Variants in CTNNA2 observed in about 807,000 individuals in gnomAD.
The protein encoded by CTNNA2 is catenin alpha-2.
A neutral mutation model predicts 101.0 loss-of-function variants in CTNNA2; 42 were observed. The observed-to-expected ratio is 0.42, with a 90% CI of 0.32 to 0.54. The LOEUF is 0.54. CTNNA2 is among the 20% of genes least tolerant of loss of function. CTNNA2 has a pLI of 0.14. For missense variants in CTNNA2, 871 were observed against 1,223.1 expected, an observed-to-expected ratio of 0.71 and a Z score of 4.29; for synonymous variants, 450 against 456.4, an observed-to-expected ratio of 0.99 and a Z score of 0.18.
At chr2:79,371,811 T>C (rs1677877936) in intron 3 of CTNNA2, among the ~76,000 whole-genome samples, 1 of 152,156 alleles carries the variant, frequency 6.6e-6, no homozygotes, top group Admixed American at 6.5e-5. Flanking sequence ...CCTTTAGTTT[T>C]CAATGAAACC....
intron 7 of CTNNA2, among the ~76,000 whole-genome samples, chr2:80,246,454 A>T (rs1671336564): frequency 6.6e-6 from 1 of 152,248 alleles, no homozygotes; most frequent in African/African-American, 2.4e-5. Context: ...TTTAATGAAA[A>T]CTGAACAAAT....
intron 7 of CTNNA2, among the ~76,000 whole-genome samples, chr2:80,025,592 A>G (rs1694879758): frequency 6.6e-6 from 1 of 152,178 alleles, no homozygotes; most frequent in South Asian, 2.1e-4. Flanking sequence ...CTCAGGGAAC[A>G]TGACAGGAAC....
intron 4 of CTNNA2, among the ~76,000 whole-genome samples, chr2:79,420,449 A>G (rs1337847767): frequency 2.0e-5 from 3 of 152,168 alleles, no homozygotes; most frequent in Non-Finnish European, 4.4e-5. Flanking sequence ...CACACTAGAA[A>G]TGGACTAAAG....
chr2:79,864,703 A>G (rs915892104), intron 4 of CTNNA2, among the ~76,000 whole-genome samples: 4 of 152,184 alleles, frequency 2.6e-5, no homozygotes, highest in Admixed American at 6.5e-5. Context: ...TTGGAGACCA[A>G]TCATATGGGG....
chr2:80,615,581 G>T (rs1033541516), intron 17 of CTNNA2, among the ~76,000 whole-genome samples: 10 of 151,440 alleles, frequency 6.6e-5, no homozygotes, highest in African/African-American at 1.9e-4. Flanking sequence ...ACTGAAATAG[G>T]GTTTTCAGCT....
chr2:79,789,119 G>T (rs946329750), intron 3 of CTNNA2, among the ~76,000 whole-genome samples: 3 of 152,194 alleles, frequency 2.0e-5, no homozygotes, highest in Non-Finnish European at 2.9e-5. Flanking sequence ...TGGACATTGC[G>T]TGTAAAGTAC....
chr2:79,933,299 C>T (rs570908233), intron 7 of CTNNA2, among the ~76,000 whole-genome samples: 17 of 152,158 alleles, frequency 1.1e-4, no homozygotes, highest in African/African-American at 3.1e-4. Flanking sequence ...CACCATGTTA[C>T]GGGCTATCAT....
At chr2:80,313,587 A>G in intron 7 of CTNNA2, 1 of 1,611,590 alleles carries the variant, frequency 6.2e-7, no homozygotes, top group Non-Finnish European at 8.5e-7. Context: ...AGGCCACTCC[A>G]GTCAGTAGGC....
At chr2:80,196,087 G>A (rs937739378) in intron 7 of CTNNA2, among the ~76,000 whole-genome samples, 17 of 152,106 alleles carry the variant, frequency 1.1e-4, no homozygotes, top group African/African-American at 3.9e-4. Flanking sequence ...GTCTTTGAAT[G>A]TGTCATTTTA....
chr2:79,956,237 T>A (rs1280016141), intron 7 of CTNNA2, among the ~76,000 whole-genome samples: 1 of 152,130 alleles, frequency 6.6e-6, no homozygotes, highest in East Asian at 1.9e-4. Context: ...AAATTTTGCT[T>A]AAAATTTTAC....
intron 7 of CTNNA2, among the ~76,000 whole-genome samples, chr2:80,341,681 C>T (rs1208565631): frequency 1.3e-5 from 2 of 152,180 alleles, no homozygotes; most frequent in South Asian, 2.1e-4. Flanking sequence ...TAGAATGGTA[C>T]AGCTACTTTG....
At chr2:79,691,750 C>A (rs748581031) in intron 2 of CTNNA2, among the ~76,000 whole-genome samples, 13 of 151,848 alleles carry the variant, frequency 8.6e-5, no homozygotes, top group Non-Finnish European at 1.8e-4. Flanking sequence ...TTTGACAAAC[C>A]TGAAAAAAAC....
intron 7 of CTNNA2, among the ~76,000 whole-genome samples, chr2:80,062,767 A>G (rs1007011448): frequency 4.2e-4 from 57 of 137,130 alleles, no homozygotes; most frequent in Middle Eastern, 4.4e-3. Flanking sequence ...GTGCAGTGGC[A>G]CTATCTCAGC....
intron 7 of CTNNA2, among the ~76,000 whole-genome samples, chr2:79,923,785 C>T (rs1273244931): frequency 6.6e-6 from 1 of 152,120 alleles, no homozygotes. Flanking sequence ...TGTTTCTCTA[C>T]TCTCTGTTTC....
chr2:79,768,893 C>A (rs562216511), intron 3 of CTNNA2, among the ~76,000 whole-genome samples: 1 of 152,104 alleles, frequency 6.6e-6, no homozygotes, highest in Non-Finnish European at 1.5e-5. Flanking sequence ...CTCACTCTGT[C>A]GCCCAGGCTG....
intron 18 of CTNNA2, among the ~76,000 whole-genome samples, chr2:80,639,322 G>C (rs1573539388): frequency 6.6e-6 from 1 of 152,198 alleles, no homozygotes; most frequent in East Asian, 1.9e-4. Context: ...TGATTCTCCT[G>C]CCTCAGCCTC....
At chr2:79,993,598 G>A (rs1337436162) in intron 7 of CTNNA2, among the ~76,000 whole-genome samples, 6 of 146,736 alleles carry the variant, frequency 4.1e-5, no homozygotes, top group African/African-American at 7.7e-5. Context: ...GAAGGCAGTG[G>A]CACTGTTAGG....
intron 7 of CTNNA2, among the ~76,000 whole-genome samples, chr2:80,225,670 C>A (rs566451270): frequency 6.6e-5 from 10 of 152,256 alleles, no homozygotes; most frequent in Admixed American, 1.3e-4. Context: ...TTCTGTCAGA[C>A]TTATTTTCCT....
intron 9 of CTNNA2, among the ~76,000 whole-genome samples, chr2:80,523,570 T>C (rs185104407): frequency 6.6e-6 from 1 of 152,328 alleles, no homozygotes; most frequent in African/African-American, 2.4e-5. Flanking sequence ...CCATGGGGTC[T>C]TTTCTATTGC....
Sources: allele counts gnomAD v4.1 joint callset (sites outside exome capture counted in the v4.1 genomes callset), GRCh38; gene constraint gnomAD v4.1.1; transcripts MANE v1.5; gene names NCBI Gene and HGNC (gene_info 2026-07-23, HGNC 2026-07-21).